PLEKHA5: variants seen among roughly 807,000 people sequenced by gnomAD.
PLEKHA5 encodes the protein pleckstrin homology domain-containing family A member 5.
In PLEKHA5, 55 loss-of-function variants were observed where a neutral mutation model predicts 181.9. The ratio of observed to expected loss-of-function variants is 0.30; its 90% CI spans 0.24 to 0.38. PLEKHA5 has a LOEUF of 0.38. PLEKHA5 is among the 10% of genes least tolerant of loss of function. The probability of loss-of-function intolerance (pLI) is 1.00; values close to 1 mark genes in which losing one functional copy is unlikely to be tolerated. For missense variants in PLEKHA5, 1,432 were observed against 1,549.5 expected, an observed-to-expected ratio of 0.92 and a Z score of 1.27; for synonymous variants, 535 against 529.4, an observed-to-expected ratio of 1.01 and a Z score of -0.15.
At position 19,228,428 on chromosome 12, in the gene PLEKHA5, A is replaced by G. The variant is rs113491302; in HGVS notation, c.228-25512A>G. 3.1e-5 allele frequency among the ~76,000 whole-genome samples: 3 copies of G among 97,550 alleles called. 1 individual carries two copies. Among genetic ancestry groups the G allele is most frequent in the African/African-American group, 7.7e-5 (3 of 39,106 alleles). The allele number at this position is 97,550 out of a possible 152,430, so 64.0% of individuals were successfully genotyped here. A position where few individuals can be genotyped will look rare whatever the true frequency, so the allele number is the denominator to read the frequency against. On this transcript the variant is annotated intron_variant, in intron 3 of 31. Coordinates refer to ENST00000429027, the MANE Select transcript of PLEKHA5 (RefSeq NM_001256470.2). ...GGATTCAAACTCAAAGCCTATTTAT[A>G]TTTTTCTCTGTTTTTTTCTGATCTA... is the stretch of plus-strand genomic sequence containing the variant.
intron 2 of PLEKHA5, 41 bp from the exon 3 acceptor site, chr12:19,132,352 T>A (rs756988105): frequency 1.1e-6 from 1 of 920,884 alleles, no homozygotes; most frequent in Non-Finnish European, 1.8e-6. Context: ...TATTTTGCTA[T>A]CATTGAAGTA....
At chr12:19,345,490 G>T (rs562549790) in intron 22 of PLEKHA5, among the ~76,000 whole-genome samples, 2 of 151,344 alleles carry the variant, frequency 1.3e-5, no homozygotes. Context: ...TTGGCTGGAC[G>T]CCATGGCTCA....
chr12:19,281,931 G>A (rs2076268987), intron 11 of PLEKHA5, among the ~76,000 whole-genome samples: 1 of 151,892 alleles, frequency 6.6e-6, no homozygotes, highest in South Asian at 2.1e-4. Context: ...ACAGGCACCT[G>A]CCACCACGCC....
At chr12:19,158,199 A>G (rs2042196014) in intron 3 of PLEKHA5, among the ~76,000 whole-genome samples, 1 of 151,916 alleles carries the variant, frequency 6.6e-6, no homozygotes, top group African/African-American at 2.4e-5. Context: ...TGAAAATACA[A>G]AAAATTAGCC....
chr12:19,279,455 G>C (rs2075478966), intron 11 of PLEKHA5, among the ~76,000 whole-genome samples: 1 of 152,030 alleles, frequency 6.6e-6, no homozygotes. Flanking sequence ...CTGAGGTCCG[G>C]AGTTCAAGAC....
chr12:19,151,936 G>A (rs1411824910), intron 3 of PLEKHA5: 1 of 149,164 alleles, frequency 6.7e-6, no homozygotes, highest in East Asian at 2.0e-4. Context: ...ACACGATCTC[G>A]GCTCACTGCA....
chr12:19,288,937 G>C (rs191787391), intron 13 of PLEKHA5, among the ~76,000 whole-genome samples: 3 of 152,100 alleles, frequency 2.0e-5, no homozygotes, highest in Non-Finnish European at 4.4e-5. Flanking sequence ...TCATCCTTTT[G>C]AAAATCTCTT....
At chr12:19,240,418 A>G (rs916836265) in intron 3 of PLEKHA5, among the ~76,000 whole-genome samples, 8 of 150,562 alleles carry the variant, frequency 5.3e-5, no homozygotes. Flanking sequence ...ATAAAATATT[A>G]CAAATTAGCA....
intron 3 of PLEKHA5, among the ~76,000 whole-genome samples, chr12:19,144,094 C>T (rs1236780487): frequency 1.3e-5 from 2 of 152,066 alleles, no homozygotes; most frequent in Non-Finnish European, 2.9e-5. Context: ...CTTCATTTCT[C>T]CATAACTGCA....
intron 26 of PLEKHA5, among the ~76,000 whole-genome samples, chr12:19,357,566 G>C (rs1184202793): frequency 6.6e-6 from 1 of 152,006 alleles, no homozygotes; most frequent in East Asian, 1.9e-4. Context: ...TTTTATGGTG[G>C]TGGTGATGGT....
intron 10 of PLEKHA5, among the ~76,000 whole-genome samples, chr12:19,273,096 A>G (rs1226689148): frequency 3.9e-5 from 6 of 151,956 alleles, no homozygotes; most frequent in Non-Finnish European, 7.4e-5. Context: ...TTTCGTAGAG[A>G]CGGGGTCTCA....
chr12:19,358,387 C>T lies in PLEKHA5; in HGVS notation c.3298C>T (p.Pro1100Ser), dbSNP rs1465531193. The change falls in exon 27 of 32, where the codon CCC (proline) becomes TCC (serine). Residue 1100 changes from proline to serine, a missense_variant. Around this residue, in one of 2 missense-constraint regions of PLEKHA5, gnomAD observed 1,143 missense variants for 1,168.4 expected, o/e 0.98. Transcript: ENST00000429027. Reference protein sequence around the residue: ...LNVIGASDQSPLQSPSNLRDN... With the variant: ...LNVIGASDQSSLQSPSNLRDN... ...TGTTATCGGTGCTTCAGACCAGTCACCCTTACAAAGCCCTTCAAATTTAAG... is the reference window on the plus strand; with the variant it reads ...TGTTATCGGTGCTTCAGACCAGTCATCCTTACAAAGCCCTTCAAATTTAAG... 1 of 1,613,656 alleles carries T rather than the reference C, an allele frequency of 6.2e-7. No homozygotes were observed. Among genetic ancestry groups the T allele is most frequent in the African/African-American group, 1.3e-5 (1 of 74,966 alleles).
At chr12:19,229,264 A>G (rs2060106068) in intron 3 of PLEKHA5, among the ~76,000 whole-genome samples, 1 of 152,136 alleles carries the variant, frequency 6.6e-6, no homozygotes, top group African/African-American at 2.4e-5. Context: ...GTTATGCAAT[A>G]TTGTGTCCGG....
chr12:19,313,874 T>C (rs2087527610), intron 15 of PLEKHA5, among the ~76,000 whole-genome samples: 1 of 152,148 alleles, frequency 6.6e-6, no homozygotes, highest in African/African-American at 2.4e-5. Context: ...TATTAATAAA[T>C]TTATTAATTT....
At chr12:19,280,050 T>G (rs1293004773) in intron 11 of PLEKHA5, among the ~76,000 whole-genome samples, 7 of 135,464 alleles carry the variant, frequency 5.2e-5, no homozygotes, top group East Asian at 2.1e-4. Flanking sequence ...TTTTTTTTTT[T>G]TTTTTTTTTT....
intron 3 of PLEKHA5, among the ~76,000 whole-genome samples, chr12:19,214,801 C>CA (rs2057630026): frequency 6.6e-6 from 1 of 151,974 alleles, no homozygotes; most frequent in African/African-American, 2.4e-5. Flanking sequence ...AAAGTGAAAA[C>CA]CATGAATTGT....
intron 11 of PLEKHA5, among the ~76,000 whole-genome samples, chr12:19,281,175 G>A (rs2076040094): frequency 6.6e-6 from 1 of 151,166 alleles, no homozygotes; most frequent in Admixed American, 6.6e-5. Flanking sequence ...GGACCGGGCT[G>A]CAGTGTACTC....
intron 20 of PLEKHA5, among the ~76,000 whole-genome samples, chr12:19,323,170 T>C (rs2091321190): frequency 6.6e-6 from 1 of 152,044 alleles, no homozygotes; most frequent in Non-Finnish European, 1.5e-5. Context: ...GCCAAACATT[T>C]TGTCCTTTGT....
chr12:19,211,147 T>C (rs1018831953), intron 3 of PLEKHA5, among the ~76,000 whole-genome samples: 3 of 152,120 alleles, frequency 2.0e-5, no homozygotes, highest in African/African-American at 7.2e-5. Flanking sequence ...ACCAAAGATA[T>C]GAATAAGATA....
Sources: allele counts gnomAD v4.1 joint callset (sites outside exome capture counted in the v4.1 genomes callset), GRCh38; gene constraint gnomAD v4.1.1; regional missense constraint gnomAD v4.1.1; transcripts MANE v1.5; gene names NCBI Gene and HGNC (gene_info 2026-07-23, HGNC 2026-07-21).